The following HDAC4 variants were observed in gnomAD, a reference collection of about 807,000 sequenced individuals.
HDAC4 encodes the protein histone deacetylase 4.
A neutral mutation model predicts 135.1 loss-of-function variants in HDAC4; 16 were observed. That is an observed-to-expected ratio of 0.12 (90% confidence interval 0.08 to 0.18). The LOEUF (loss-of-function observed/expected upper bound fraction) is 0.18, where lower values mean the gene tolerates loss of function less well. Among genes scored for constraint, HDAC4 ranks in the 10% least tolerant of loss-of-function variants. The pLI, the probability that HDAC4 is intolerant of heterozygous loss-of-function variation, is 1.00. For missense variants in HDAC4, 1,143 were observed against 1,511.8 expected (o/e 0.76, Z 4.05); for synonymous variants, 685 against 653.4 (o/e 1.05, Z -0.74).
chr2:239,343,280 C>T (rs1158155035), intron 2 of HDAC4, among the ~76,000 whole-genome samples: 1 of 152,210 alleles, frequency 6.6e-6, no homozygotes, highest in African/African-American at 2.4e-5. Context: ...GAGAAGGATG[C>T]TAAGTGGCCA....
intron 16 of HDAC4, among the ~76,000 whole-genome samples, chr2:239,095,347 G>T (rs2036921110): frequency 6.6e-6 from 1 of 152,198 alleles, no homozygotes. Context: ...CAAGCCACTG[G>T]GGAGCACGAG....
At chr2:239,391,498 T>G (rs1054217126) in intron 1 of HDAC4, among the ~76,000 whole-genome samples, 4 of 152,006 alleles carry the variant, frequency 2.6e-5, no homozygotes, top group Non-Finnish European at 4.4e-5. Flanking sequence ...TCCCAAGACC[T>G]GCCAGCAGAG....
chr2:239,085,122 C>A (rs757922013), intron 19 of HDAC4, among the ~76,000 whole-genome samples: 1 of 151,916 alleles, frequency 6.6e-6, no homozygotes, highest in Non-Finnish European at 1.5e-5. Context: ...AACCCTATTT[C>A]ACATGTTACC....
chr2:239,199,756 T>C (rs1041389420), intron 3 of HDAC4, among the ~76,000 whole-genome samples: 2 of 148,616 alleles, frequency 1.3e-5, no homozygotes, highest in East Asian at 4.0e-4. Context: ...TTTTTTGAGA[T>C]GGAGTCTCGC....
chr2:239,301,160 C>T lies in HDAC4; in HGVS notation c.22+51518G>A, dbSNP rs116525063. Among the ~76,000 whole-genome samples, 142 of 152,336 alleles carry T rather than the reference C, an allele frequency of 9.3e-4. 1 individual carries two copies. The highest frequency in any genetic ancestry group is 3.4e-3 in the African/African-American group (140 of 41,582). On this transcript the variant is annotated intron_variant, in intron 2 of 26. Transcript: ENST00000543185. ...CCCTCATGCCCCTCATGGAGCCAGC[C>T]GGGCACCACCCCCTTACTCAGCGGC...
intron 2 of HDAC4, chr2:239,298,084 T>C (rs912995573): frequency 4.5e-6 from 3 of 673,480 alleles, no homozygotes; most frequent in Admixed American, 2.3e-5. Flanking sequence ...GTCTTTAGGG[T>C]TGCTAAAATA....
chr2:239,199,107 GCCCCCCACC>G (rs753093628), intron 3 of HDAC4, among the ~76,000 whole-genome samples: 2 of 29,224 alleles, frequency 6.8e-5, no homozygotes, highest in East Asian at 6.4e-4. Context: ...CCTGCTTCCT[GCCCCCCACC>G]ACCCCCACCC....
At chr2:239,140,827 G>C (rs138793290) in intron 8 of HDAC4, 1 of 376,704 alleles carries the variant, frequency 2.7e-6, no homozygotes, top group Admixed American at 3.1e-5. Flanking sequence ...CTTGCTGCCC[G>C]CGTCCTCCTG....
rs1048112444 is a variant in HDAC4 at position 239,377,364 on chromosome 2, G to A, written c.-220+23614C>T. 1.6e-4 allele frequency among the ~76,000 whole-genome samples: 24 copies of A among 152,300 alleles called. 1 individual carries two copies. Among genetic ancestry groups the A allele is most frequent in the East Asian group, 1.9e-4 (1 of 5,176 alleles). On this transcript the variant is annotated intron_variant, in intron 1 of 26. Transcript: ENST00000543185. ...CAAAATGTCCAGGGCCTCTGACTCC[G>A]TGACTCTCTGTGTTGCCAGCATGAG... is the stretch of plus-strand genomic sequence containing the variant.
At chr2:239,324,899 A>T (rs1174154744) in intron 2 of HDAC4, among the ~76,000 whole-genome samples, 3 of 152,332 alleles carry the variant, frequency 2.0e-5, no homozygotes, top group Non-Finnish European at 4.4e-5. Context: ...GGAAGGAAGA[A>T]CAACTGCAGC....
intron 8 of HDAC4, chr2:239,140,735 C>T: frequency 3.6e-6 from 1 of 280,366 alleles, no homozygotes; most frequent in Non-Finnish European, 7.4e-6. Context: ...ATGGTGGGGG[C>T]CCTGGAGGGG....
Position 239,066,764 on chromosome 2 carries a change from G to A in HDAC4, c.2961C>T (p.Cys987=), listed in dbSNP as rs199744642. 191 of 1,613,944 alleles carry A rather than the reference G, an allele frequency of 1.2e-4. No homozygotes were observed. The highest frequency in any genetic ancestry group is 1.2e-3 in the Middle Eastern group (7 of 6,056). Residue 987 remains cysteine, a synonymous_variant, in exon 24 of 27, where the codon TGC becomes TGT. Coordinates refer to ENST00000543185, the MANE Select transcript of HDAC4 (RefSeq NM_001378414.1). ...CAGAAACACATGCTTCCGAGGCGTC[G>A]CAAATGGCGGTCAGGTCGTGGCCTC... ...LEGGHDLTAI[C]DASEACVSAL...
intron 1 of HDAC4, among the ~76,000 whole-genome samples, chr2:239,367,711 C>T (rs868531431): frequency 1.3e-5 from 2 of 152,126 alleles, no homozygotes; most frequent in Non-Finnish European, 2.9e-5. Flanking sequence ...CATGTTTAGG[C>T]TGGGTGTGGT....
chr2:239,255,460 T>C (rs1223274583), intron 2 of HDAC4, among the ~76,000 whole-genome samples: 1 of 152,238 alleles, frequency 6.6e-6, no homozygotes, highest in East Asian at 1.9e-4. Flanking sequence ...ATGACCTGCA[T>C]CTCCGGGCTC....
intron 2 of HDAC4, among the ~76,000 whole-genome samples, chr2:239,265,545 G>C (rs1432761591): frequency 6.6e-6 from 1 of 152,034 alleles, no homozygotes; most frequent in Non-Finnish European, 1.5e-5. Flanking sequence ...GGGGAGGTGC[G>C]GTGGGGCGGG....
intron 1 of HDAC4, among the ~76,000 whole-genome samples, chr2:239,396,934 G>T (rs1696598980): frequency 6.6e-6 from 1 of 151,534 alleles, no homozygotes. Context: ...CTGCCTCCAG[G>T]CGTCCTGGGG....
chr2:239,190,996 C>T (rs902515814), intron 3 of HDAC4: 2 of 465,224 alleles, frequency 4.3e-6, no homozygotes, highest in Non-Finnish European at 8.8e-6. Context: ...CAGCACTGCT[C>T]CTGGCACAGC....
chr2:239,345,903 C>A (rs554034153), intron 2 of HDAC4, among the ~76,000 whole-genome samples: 17 of 150,700 alleles, frequency 1.1e-4, no homozygotes, highest in African/African-American at 3.9e-4. Flanking sequence ...CACACACACA[C>A]CCCCATCTCA....
chr2:239,286,738 C>A (rs1197632352), intron 2 of HDAC4, among the ~76,000 whole-genome samples: 1 of 151,894 alleles, frequency 6.6e-6, no homozygotes, highest in East Asian at 1.9e-4. Context: ...GAGACACAGA[C>A]AGACAAGGAA....
Sources: gnomAD v4.1 joint callset for allele counts (sites outside exome capture counted in the v4.1 genomes callset) on GRCh38, gnomAD v4.1.1 for gene constraint, MANE v1.5 for transcripts, NCBI Gene and HGNC (gene_info 2026-07-23, HGNC 2026-07-21) for gene names.